Variants in TTC7B observed in about 807,000 individuals in gnomAD.
TTC7B encodes the protein tetratricopeptide repeat domain 7B.
TTC7B carries 28 observed loss-of-function variants against 106.8 expected under a neutral mutation model. That is an observed-to-expected ratio of 0.26 (90% CI 0.19 to 0.36). The LOEUF is 0.36. Ranked by LOEUF, TTC7B falls within the 10% of genes least tolerant of loss-of-function variation. The pLI is 1.00. For synonymous variants in TTC7B, 405 were observed against 430.6 expected (o/e 0.94, Z 0.74); for missense variants, 862 against 1,076.4 (o/e 0.80, Z 2.79).
chr14:90,542,532 G>T (rs535897558), intron 19 of TTC7B, among the ~76,000 whole-genome samples: 2 of 152,314 alleles, frequency 1.3e-5, no homozygotes, highest in African/African-American at 4.8e-5. Context: ...TCCCTCGGGG[G>T]AGAAACATGT....
At chr14:90,560,749 G>A (rs563567243) in intron 19 of TTC7B, among the ~76,000 whole-genome samples, 1 of 152,316 alleles carries the variant, frequency 6.6e-6, no homozygotes, top group East Asian at 1.9e-4. Flanking sequence ...CTGTGTCCAT[G>A]TCATACTTGC....
rs145141706 is a variant in TTC7B at position 90,547,382 on chromosome 14, G to T, written c.2311-5793C>A. On this transcript the variant is annotated intron_variant, in intron 19 of 19. Coordinates refer to ENST00000328459, the MANE Select transcript of TTC7B (RefSeq NM_001010854.2). Reference sequence around the variant, plus strand: ...AAACACCTTGCCAGACCTCAAGGGCGCCTGTGCCAGAGCCCCGGAAGGCTC... The same window carrying T: ...AAACACCTTGCCAGACCTCAAGGGCTCCTGTGCCAGAGCCCCGGAAGGCTC... Among the ~76,000 whole-genome samples the T allele has an allele frequency of 2.0e-5, 3 of 152,330 alleles. No homozygotes were observed. The East Asian group carries it at 5.8e-4, about 29-fold the overall frequency.
At chr14:90,776,214 C>A (rs1386258672) in intron 3 of TTC7B, among the ~76,000 whole-genome samples, 2 of 150,362 alleles carry the variant, frequency 1.3e-5, no homozygotes, top group South Asian at 2.1e-4. Flanking sequence ...GATGGTCAGG[C>A]AGTTGTTAAC....
chr14:90,658,534 G>A (rs964405201), intron 9 of TTC7B, 147 bp from the exon 10 acceptor site: 9 of 748,930 alleles, frequency 1.2e-5, no homozygotes, highest in South Asian at 3.4e-5. Context: ...ACCACCAAAC[G>A]GCTCCTACGG....
At chr14:90,708,208 C>T (rs890544337) in intron 5 of TTC7B, among the ~76,000 whole-genome samples, 13 of 145,852 alleles carry the variant, frequency 8.9e-5, no homozygotes, top group Admixed American at 4.8e-4. Context: ...ATAGAAGCTA[C>T]AGAAAGTTAT....
At chr14:90,707,238 T>A (rs1457826942) in intron 5 of TTC7B, among the ~76,000 whole-genome samples, 1 of 152,160 alleles carries the variant, frequency 6.6e-6, no homozygotes, top group Non-Finnish European at 1.5e-5. Flanking sequence ...TGTTTGGGGG[T>A]GCCACAAACC....
chr14:90,563,265 G>A (rs903393984), intron 19 of TTC7B, among the ~76,000 whole-genome samples: 11 of 152,194 alleles, frequency 7.2e-5, no homozygotes, highest in Non-Finnish European at 1.5e-4. Context: ...ATGTCTCGGA[G>A]CTACCACAGG....
intron 14 of TTC7B, chr14:90,645,180 T>C (rs542707512): frequency 6.6e-6 from 1 of 152,386 alleles, no homozygotes; most frequent in East Asian, 1.9e-4. Context: ...TCCTGCTTTT[T>C]CCCAAACCCT....
chr14:90,679,946 T>C (rs967501371), intron 8 of TTC7B, among the ~76,000 whole-genome samples: 2 of 152,184 alleles, frequency 1.3e-5, no homozygotes, highest in Non-Finnish European at 1.5e-5. Flanking sequence ...GACTTTACAG[T>C]GTCTGGCAAA....
chr14:90,576,772 C>T (rs1891275256), intron 19 of TTC7B, among the ~76,000 whole-genome samples: 1 of 152,208 alleles, frequency 6.6e-6, no homozygotes, highest in African/African-American at 2.4e-5. Context: ...TGCTGGAAAC[C>T]AGCAGTTAGT....
At position 90,608,122 on chromosome 14, in the gene TTC7B, G is replaced by C. The variant is rs1892722351; in HGVS notation, c.1966+2620C>G. On this transcript the variant is annotated intron_variant, in intron 17 of 19. Coordinates refer to ENST00000328459, the MANE Select transcript of TTC7B (RefSeq NM_001010854.2). This position sits in a 1 kb window ranked among gnomAD's most constrained non-coding sequence, Gnocchi z 5.1. ...TCTCCACACAGGTGTGTGAATGACA[G>C]CATCTGCCCCTTCTTGACTGCACCA... Among the ~76,000 whole-genome samples the C allele has an allele frequency of 1.3e-5, 2 of 152,206 alleles. No homozygotes were observed. The highest frequency in any genetic ancestry group is 2.9e-5 in the Non-Finnish European group (2 of 68,042).
At chr14:90,615,857 G>A (rs1415493832) in intron 16 of TTC7B, among the ~76,000 whole-genome samples, 1 of 152,176 alleles carries the variant, frequency 6.6e-6, no homozygotes. Flanking sequence ...GGGAGCCGGA[G>A]GGGGAATTCT....
intron 2 of TTC7B, among the ~76,000 whole-genome samples, chr14:90,783,232 C>T (rs1891277881): frequency 6.6e-6 from 1 of 152,240 alleles, no homozygotes; most frequent in African/African-American, 2.4e-5. Flanking sequence ...AGGACTCTTT[C>T]CATCCCACTA....
chr14:90,749,075 T>C lies in TTC7B; in HGVS notation c.446-4153A>G, dbSNP rs11847885. Among the ~76,000 whole-genome samples, 466 of 152,362 alleles carry C rather than the reference T, an allele frequency of 3.1e-3. 3 individuals carry two copies. Among genetic ancestry groups the C allele is most frequent in the African/African-American group, 0.011 (438 of 41,580 alleles). Reference sequence around the variant, plus strand: ...AGGTGCTGCTTCACCGTATTCTCACTTGCATGGTTTCTGACAATAATTCTG... The same window carrying C: ...AGGTGCTGCTTCACCGTATTCTCACCTGCATGGTTTCTGACAATAATTCTG... On this transcript the variant is annotated intron_variant, in intron 3 of 19. Coordinates refer to ENST00000328459, the MANE Select transcript of TTC7B (RefSeq NM_001010854.2).
chr14:90,763,055 A>G (rs530884354), intron 3 of TTC7B, among the ~76,000 whole-genome samples: 1 of 152,236 alleles, frequency 6.6e-6, no homozygotes, highest in African/African-American at 2.4e-5. Context: ...CTATGACACC[A>G]GCGTAACATT....
intron 17 of TTC7B, among the ~76,000 whole-genome samples, chr14:90,596,263 T>C (rs1002360192): frequency 6.6e-6 from 1 of 152,202 alleles, no homozygotes; most frequent in Admixed American, 6.5e-5. Context: ...TTTGTGACTT[T>C]TGGAGGGGCT....
intron 19 of TTC7B, among the ~76,000 whole-genome samples, chr14:90,557,332 G>A (rs1204882073): frequency 2.6e-5 from 4 of 152,166 alleles, no homozygotes; most frequent in Non-Finnish European, 4.4e-5. Flanking sequence ...AGAGGGCCAC[G>A]CTCCCACCCC....
intron 4 of TTC7B, among the ~76,000 whole-genome samples, chr14:90,736,263 T>G (rs965488689): frequency 1.3e-5 from 2 of 152,016 alleles, no homozygotes; most frequent in Non-Finnish European, 2.9e-5. Flanking sequence ...AGTGAAAAAA[T>G]TTTTGTTTTC....
chr14:90,624,860 G>A lies in TTC7B; in HGVS notation c.1752-6815C>T, dbSNP rs541834625. Reference sequence around the variant, plus strand: ...GTATCTTGTGCTGATCTGTGTTTGCGAGCTCCTGGGCTCTGCATGCCAGGG... The same window carrying A: ...GTATCTTGTGCTGATCTGTGTTTGCAAGCTCCTGGGCTCTGCATGCCAGGG... On this transcript the variant is annotated intron_variant, in intron 15 of 19. Coordinates refer to ENST00000328459, the MANE Select transcript of TTC7B (RefSeq NM_001010854.2). The surrounding 1 kb of genome is among the most constrained non-coding windows in gnomAD (Gnocchi z 4.0). 2.6e-5 allele frequency among the ~76,000 whole-genome samples: 4 copies of A among 152,334 alleles called. No individual in the cohort carries two copies. Among genetic ancestry groups the A allele is most frequent in the East Asian group, 3.9e-4 (2 of 5,176 alleles).
Sources: allele counts gnomAD v4.1 joint callset (sites outside exome capture counted in the v4.1 genomes callset), GRCh38; gene constraint gnomAD v4.1.1; non-coding constraint Gnocchi (gnomAD v3.1); transcripts MANE v1.5; gene names NCBI Gene and HGNC (gene_info 2026-07-23, HGNC 2026-07-21).